The following CDH12 variants were observed in gnomAD, a reference collection of about 807,000 sequenced individuals.
CDH12 encodes the protein cadherin-12.
CDH12 carries 41 observed loss-of-function variants against 74.1 expected under a neutral mutation model. That is an observed-to-expected ratio of 0.55 (90% confidence interval 0.43 to 0.72). The LOEUF is 0.72. Among genes scored for constraint, CDH12 ranks in the 30% least tolerant of loss-of-function variants. The pLI, the probability that CDH12 is intolerant of heterozygous loss-of-function variation, is 0.00. For synonymous variants in CDH12, 399 were observed against 355.0 expected (o/e 1.12, Z -1.39); for missense variants, 945 against 977.2 (o/e 0.97, Z 0.44).
intron 5 of CDH12, among the ~76,000 whole-genome samples, chr5:22,041,704 T>C (rs977396830): frequency 2.9e-4 from 44 of 152,016 alleles, no homozygotes; most frequent in Non-Finnish European, 6.2e-4. Flanking sequence ...TAGACAACAA[T>C]AATATTAAAG....
rs983327200 is a variant in CDH12 at position 22,382,294 on chromosome 5, T to A, written c.-333+22963A>T. On this transcript the variant is annotated intron_variant, in intron 3 of 14. Coordinates refer to ENST00000382254, the MANE Select transcript of CDH12 (RefSeq NM_004061.5). ...ATTATATATAGTCTATATATAGAAA[T>A]ATATATTTCTATATGTCTACATACA... Among the ~76,000 whole-genome samples, 157 of 147,806 alleles carry A rather than the reference T, an allele frequency of 1.1e-3. 1 individual carries two copies. Among genetic ancestry groups the A allele is most frequent in the African/African-American group, 3.7e-3 (151 of 40,622 alleles).
intron 2 of CDH12, among the ~76,000 whole-genome samples, chr5:22,477,228 A>T (rs1283733593): frequency 6.6e-6 from 1 of 152,076 alleles, no homozygotes; most frequent in East Asian, 1.9e-4. Flanking sequence ...ACGTTTTCCC[A>T]ATGCTTTCCC....
intron 7 of CDH12, among the ~76,000 whole-genome samples, chr5:21,851,034 T>A (rs1396517618): frequency 3.3e-5 from 5 of 151,318 alleles, no homozygotes; most frequent in Non-Finnish European, 7.4e-5. Context: ...TTGTCAATTT[T>A]ATATTGTGTA....
At chr5:22,708,930 C>CA (rs1200866590) in intron 1 of CDH12, among the ~76,000 whole-genome samples, 2 of 152,128 alleles carry the variant, frequency 1.3e-5, no homozygotes, top group Admixed American at 1.3e-4. Flanking sequence ...ACCCTGTGGT[C>CA]ACTGTTCTTG....
chr5:22,623,020 G>A (rs888026859), intron 1 of CDH12, among the ~76,000 whole-genome samples: 52 of 152,076 alleles, frequency 3.4e-4, no homozygotes, highest in African/African-American at 1.1e-3. Flanking sequence ...TTCAACATAC[G>A]CAAATCAATA....
intron 1 of CDH12, among the ~76,000 whole-genome samples, chr5:22,833,469 C>T (rs1374328325): frequency 1.3e-5 from 2 of 152,212 alleles, no homozygotes; most frequent in East Asian, 3.9e-4. Context: ...AAAGACACAC[C>T]TTTTCATTGC....
chr5:22,433,042 T>C (rs1006506658), intron 2 of CDH12, among the ~76,000 whole-genome samples: 1 of 152,076 alleles, frequency 6.6e-6, no homozygotes. Flanking sequence ...TAGAATTCAA[T>C]ACAGACCAAG....
At chr5:21,973,067 T>G (rs1368701283) in intron 6 of CDH12, among the ~76,000 whole-genome samples, 1 of 130,906 alleles carries the variant, frequency 7.6e-6, no homozygotes. Flanking sequence ...AAAAAAAAAA[T>G]AGCTAGGCAG....
At chr5:22,839,614 C>T (rs1415329797) in intron 1 of CDH12, among the ~76,000 whole-genome samples, 3 of 152,080 alleles carry the variant, frequency 2.0e-5, no homozygotes, top group Non-Finnish European at 2.9e-5. Context: ...CCTCGGCCTC[C>T]CAAAGTGCTG....
chr5:22,694,671 A>G (rs1742255674), intron 1 of CDH12, among the ~76,000 whole-genome samples: 1 of 152,022 alleles, frequency 6.6e-6, no homozygotes, highest in Non-Finnish European at 1.5e-5. Context: ...ATGTTTTAAA[A>G]TTAGAATAAT....
chr5:22,745,632 C>A (rs1473565452), intron 1 of CDH12, among the ~76,000 whole-genome samples: 2 of 152,096 alleles, frequency 1.3e-5, no homozygotes, highest in African/African-American at 4.8e-5. Context: ...ATGAATGGAG[C>A]TGGAGGCCAT....
At chr5:22,032,066 C>T (rs1738856663) in intron 5 of CDH12, among the ~76,000 whole-genome samples, 1 of 150,988 alleles carries the variant, frequency 6.6e-6, no homozygotes, top group Non-Finnish European at 1.5e-5. Context: ...AAGTGAAATA[C>T]AATAAAAGGA....
intron 6 of CDH12, among the ~76,000 whole-genome samples, chr5:21,952,325 G>T (rs1755900176): frequency 6.6e-6 from 1 of 152,062 alleles, no homozygotes; most frequent in South Asian, 2.1e-4. Context: ...GCTGCAAATG[G>T]AACTAGAATC....
At chr5:22,275,020 A>C (rs1342426158) in intron 3 of CDH12, among the ~76,000 whole-genome samples, 1 of 152,178 alleles carries the variant, frequency 6.6e-6, no homozygotes, top group African/African-American at 2.4e-5. Context: ...GTAAAATTCA[A>C]CATTATGAAA....
intron 1 of CDH12, among the ~76,000 whole-genome samples, chr5:22,559,933 T>C (rs1487968379): frequency 6.6e-6 from 1 of 152,198 alleles, no homozygotes; most frequent in Non-Finnish European, 1.5e-5. Flanking sequence ...TGTTTTATTT[T>C]GTCACTTGAA....
At chr5:22,588,065 T>C (rs1293580091) in intron 1 of CDH12, among the ~76,000 whole-genome samples, 1 of 150,100 alleles carries the variant, frequency 6.7e-6, no homozygotes, top group Admixed American at 6.7e-5. Context: ...TACAATTTTA[T>C]CATATGCAAT....
intron 1 of CDH12, among the ~76,000 whole-genome samples, chr5:22,627,524 C>A (rs1347708836): frequency 2.0e-5 from 3 of 151,542 alleles, no homozygotes; most frequent in African/African-American, 7.3e-5. Flanking sequence ...GAAATAAGAT[C>A]CTTTACAGAC....
At chr5:22,228,371 GT>G (rs980691014) in intron 3 of CDH12, among the ~76,000 whole-genome samples, 20 of 151,984 alleles carry the variant, frequency 1.3e-4, no homozygotes, top group African/African-American at 4.8e-4. Flanking sequence ...GTGTATAAGT[GT>G]TACTTTTCCC....
Position 22,505,329 on chromosome 5 carries a change from T to C in CDH12, c.-487A>G, listed in dbSNP as rs564004381. 3.0e-6 allele frequency: 3 copies of C among 985,080 alleles called. No individual in the cohort carries two copies. Among genetic ancestry groups the C allele is most frequent in the African/African-American group, 3.5e-5 (2 of 57,350 alleles). The allele number at this position is 985,080 out of a possible 1,614,324, so 61.0% of individuals were successfully genotyped here. A position where few individuals can be genotyped will look rare whatever the true frequency, so the allele number is the denominator to read the frequency against. ...CTGCTCCTGGGTTCCAGCTTGTCTA[T>C]ATTTCCCAAAAGAGCCAAGCTGTTA... On this transcript the variant is annotated 5_prime_UTR_variant, in exon 2 of 15. The change creates a new upstream start codon in the 5' untranslated region. Transcript: ENST00000382254.
Sources: allele counts gnomAD v4.1 joint callset (sites outside exome capture counted in the v4.1 genomes callset), GRCh38; gene constraint gnomAD v4.1.1; transcripts MANE v1.5; gene names NCBI Gene and HGNC (gene_info 2026-07-23, HGNC 2026-07-21).